Variants in RAD51B observed in about 807,000 individuals in gnomAD.
The protein encoded by RAD51B is RAD51 paralog B.
Under a neutral mutation model 42.2 loss-of-function variants are expected in RAD51B, and 38 were observed. The ratio of observed to expected loss-of-function variants is 0.90; its 90% CI spans 0.70 to 1.18. The LOEUF (loss-of-function observed/expected upper bound fraction) is 1.18. RAD51B is among the 50% of genes most tolerant of loss of function. The pLI is 0.00. For synonymous variants in RAD51B, 154 were observed against 145.2 expected (o/e 1.06, Z -0.43); for missense variants, 373 against 400.7 (o/e 0.93, Z 0.59).
intron 7 of RAD51B, among the ~76,000 whole-genome samples, chr14:68,046,622 A>G (rs1416025826): frequency 6.6e-6 from 1 of 152,136 alleles, no homozygotes; most frequent in Non-Finnish European, 1.5e-5. Context: ...TATAGTCCCA[A>G]CTACTCTGGA....
intron 7 of RAD51B, among the ~76,000 whole-genome samples, chr14:68,236,067 G>A (rs1341742779): frequency 6.6e-6 from 1 of 152,066 alleles, no homozygotes; most frequent in Non-Finnish European, 1.5e-5. Flanking sequence ...GAGGGTGGAG[G>A]GAGGCAGGAG....
intron 7 of RAD51B, among the ~76,000 whole-genome samples, chr14:68,096,578 G>A (rs776403966): frequency 3.9e-5 from 6 of 152,172 alleles, no homozygotes; most frequent in Non-Finnish European, 7.4e-5. Context: ...TTCTGTGGTT[G>A]AGCTTTCATT....
chr14:68,167,667 G>A (rs1013227876), intron 7 of RAD51B, among the ~76,000 whole-genome samples: 2 of 152,000 alleles, frequency 1.3e-5, no homozygotes, highest in Admixed American at 6.6e-5. Flanking sequence ...ATGGGTAGAC[G>A]AGGTCTTTAC....
chr14:68,150,361 G>A (rs2078351606), intron 7 of RAD51B, among the ~76,000 whole-genome samples: 1 of 152,178 alleles, frequency 6.6e-6, no homozygotes, highest in South Asian at 2.1e-4. Flanking sequence ...AACTTGTTTG[G>A]ATTTTGATTG....
chr14:67,860,361 T>G (rs112104201), intron 4 of RAD51B, among the ~76,000 whole-genome samples: 17 of 152,336 alleles, frequency 1.1e-4, no homozygotes, highest in African/African-American at 4.1e-4. Flanking sequence ...GGAAGATATA[T>G]TCTTGAAAAT....
chr14:68,675,943 G>A (rs898871336), intron 11 of RAD51B, among the ~76,000 whole-genome samples: 14 of 152,120 alleles, frequency 9.2e-5, no homozygotes, highest in African/African-American at 3.4e-4. Flanking sequence ...GTCAACCTAG[G>A]GCAGATAGGG....
intron 10 of RAD51B, among the ~76,000 whole-genome samples, chr14:68,584,066 G>GCC (rs35946632): frequency 1.7e-4 from 26 of 151,944 alleles, no homozygotes; most frequent in Middle Eastern, 3.4e-3. Flanking sequence ...ATGCCCAGGC[G>GCC]CCCCCCCACC....
chr14:68,619,268 A>T (rs1595031500), intron 10 of RAD51B, among the ~76,000 whole-genome samples: 1 of 152,238 alleles, frequency 6.6e-6, no homozygotes, highest in East Asian at 1.9e-4. Context: ...AGGTCCAGAG[A>T]TCGAGACCAT....
At chr14:68,048,686 A>AG (rs2076342486) in intron 7 of RAD51B, among the ~76,000 whole-genome samples, 7 of 152,232 alleles carry the variant, frequency 4.6e-5, no homozygotes, top group Non-Finnish European at 7.3e-5. Flanking sequence ...TAGAATGGCA[A>AG]TCATTAAAAA....
At chr14:67,917,853 T>G (rs1383660115) in intron 7 of RAD51B, among the ~76,000 whole-genome samples, 2 of 152,174 alleles carry the variant, frequency 1.3e-5, no homozygotes, top group African/African-American at 4.8e-5. Flanking sequence ...GATGTCTGTT[T>G]GGCATTCTTG....
intron 7 of RAD51B, among the ~76,000 whole-genome samples, chr14:67,942,644 C>T (rs1268043267): frequency 6.6e-6 from 1 of 152,096 alleles, no homozygotes; most frequent in East Asian, 1.9e-4. Context: ...TGAAGGTTTA[C>T]GTGAAGTAGC....
At chr14:67,944,195 GT>G (rs2045307112) in intron 7 of RAD51B, among the ~76,000 whole-genome samples, 1 of 141,352 alleles carries the variant, frequency 7.1e-6, no homozygotes, top group African/African-American at 2.8e-5. Flanking sequence ...CCTCTAAGAA[GT>G]AAAGATTTTT....
At chr14:67,894,659 C>T (rs1012949608) in intron 7 of RAD51B, among the ~76,000 whole-genome samples, 9 of 152,206 alleles carry the variant, frequency 5.9e-5, no homozygotes, top group Non-Finnish European at 1.2e-4. Context: ...ACTTCTCTGT[C>T]TGTCCTTTGT....
chr14:67,887,137 AAAG>A lies in RAD51B; in HGVS notation c.692_694del (p.Arg231del), dbSNP rs2043083341. On this transcript the variant is annotated inframe_deletion, in exon 7 of 11. Coordinates refer to ENST00000471583, the MANE Select transcript of RAD51B (RefSeq NM_133510.4). ...GCACAACTTCAAGGCAATCTCAAAGAAAGAAACAAGTTCTTGGCAAGAGAGGCA... is the reference window on the plus strand; with the variant it reads ...GCACAACTTCAAGGCAATCTCAAAGAAAACAAGTTCTTGGCAAGAGAGGCA... 6.2e-7 allele frequency: 1 copy of A among 1,612,146 alleles called. No individual in the cohort carries two copies. Among genetic ancestry groups the A allele is most frequent in the Non-Finnish European group, 8.5e-7 (1 of 1,178,784 alleles).
rs34784307 is a variant in RAD51B at position 68,319,943 on chromosome 14, A to G, written c.853+27963A>G. ...AGATACTGTTATCTCCATTTTACAG[A>G]TGAGGAAATAAAGACCCAGAGAGGT... On this transcript the variant is annotated intron_variant, in intron 8 of 10. Coordinates refer to ENST00000471583, the MANE Select transcript of RAD51B (RefSeq NM_133510.4). Among the ~76,000 whole-genome samples the G allele has an allele frequency of 1.3e-4, 20 of 152,280 alleles. No homozygotes were observed. In the East Asian group the frequency reaches 3.5e-3, roughly 26 times the overall value.
chr14:68,158,174 A>G (rs2078557188), intron 7 of RAD51B, among the ~76,000 whole-genome samples: 3 of 152,188 alleles, frequency 2.0e-5, no homozygotes, highest in South Asian at 2.1e-4. Flanking sequence ...ACTAAACTCA[A>G]TGAACAGGAA....
chr14:67,927,668 T>A (rs2044566692), intron 7 of RAD51B, among the ~76,000 whole-genome samples: 1 of 151,978 alleles, frequency 6.6e-6, no homozygotes, highest in South Asian at 2.1e-4. Context: ...TGACATGATT[T>A]CATTCTTTTT....
intron 7 of RAD51B, among the ~76,000 whole-genome samples, chr14:68,146,734 C>T (rs1343055783): frequency 6.6e-6 from 1 of 152,050 alleles, no homozygotes; most frequent in African/African-American, 2.4e-5. Context: ...TAATTTGGCC[C>T]ATAATTATGG....
At chr14:67,956,378 T>G (rs527931330) in intron 7 of RAD51B, among the ~76,000 whole-genome samples, 37 of 152,154 alleles carry the variant, frequency 2.4e-4, no homozygotes, top group African/African-American at 8.7e-4. Flanking sequence ...TCCCAGCTTC[T>G]TGAGTGGCTC....
Sources: allele counts gnomAD v4.1 joint callset (sites outside exome capture counted in the v4.1 genomes callset), GRCh38; gene constraint gnomAD v4.1.1; transcripts MANE v1.5; gene names NCBI Gene and HGNC (gene_info 2026-07-23, HGNC 2026-07-21).